The following NISCH variants were observed in gnomAD, a reference collection of about 807,000 sequenced individuals.
NISCH encodes the protein nischarin, also known as I-1 receptor candidate protein.
In NISCH, 55 loss-of-function variants were observed where a neutral mutation model predicts 138.4. The observed-to-expected ratio is 0.40, with a 90% CI of 0.32 to 0.50. The LOEUF is 0.50. Among genes scored for constraint, NISCH ranks in the 20% least tolerant of loss-of-function variants. The pLI is 0.71. For missense variants in NISCH, 1,643 were observed against 2,005.5 expected, an observed-to-expected ratio of 0.82 and a Z score of 3.45; for synonymous variants, 860 against 861.5, an observed-to-expected ratio of 1.00 and a Z score of 0.03.
At chr3:52,471,688 C>A in intron 4 of NISCH, 126 bp from the exon 5 acceptor site, 2 of 1,099,580 alleles carry the variant, frequency 1.8e-6, no homozygotes, top group Non-Finnish European at 2.7e-6. Context: ...ATGCCCAGGG[C>A]GCTGGCTTTG....
At chr3:52,477,934 A>T in intron 9 of NISCH, 163 bp from the exon 10 acceptor site, 1 of 762,464 alleles carries the variant, frequency 1.3e-6, no homozygotes, top group Non-Finnish European at 2.2e-6. Context: ...GTGCTGTGGC[A>T]TGTGCGGCAG....
chr3:52,490,044 G>T (rs1293103950), intron 17 of NISCH, 31 bp from the exon 18 acceptor site: 3 of 1,612,438 alleles, frequency 1.9e-6, no homozygotes, highest in Non-Finnish European at 2.5e-6. Flanking sequence ...TGCTAGGGTG[G>T]TGGAGCTGAC....
At chr3:52,479,718 C>CTTTCTGG in intron 11 of NISCH, 31 bp from the exon 12 acceptor site, 1 of 1,508,350 alleles carries the variant, frequency 6.6e-7, no homozygotes, top group African/African-American at 1.4e-5. Flanking sequence ...CACCAGTCCC[C>CTTTCTGG]ATGCTGATAG....
chr3:52,463,546 C>T (rs1706694422), intron 3 of NISCH, among the ~76,000 whole-genome samples: 2 of 152,122 alleles, frequency 1.3e-5, no homozygotes, highest in Admixed American at 1.3e-4. Flanking sequence ...ACAGTTGTTG[C>T]ACCATTTGAC....
At chr3:52,481,708 T>C in intron 13 of NISCH, 1 of 985,540 alleles carries the variant, frequency 1.0e-6, no homozygotes. Flanking sequence ...TGGGTGGGGA[T>C]GCACCATGTC....
intron 6 of NISCH, 146 bp from the exon 7 acceptor site, chr3:52,473,588 C>G: frequency 1.9e-6 from 1 of 529,884 alleles, no homozygotes; most frequent in Non-Finnish European, 3.4e-6. Flanking sequence ...GAAAAAGAGA[C>G]ACTTTGGTCT....
chr3:52,474,633 C>T (rs1466298970), intron 7 of NISCH, among the ~76,000 whole-genome samples: 6 of 151,832 alleles, frequency 4.0e-5, no homozygotes, highest in Non-Finnish European at 7.4e-5. Flanking sequence ...GGTTTTACCA[C>T]GTTGGCCAGG....
At position 52,489,328 on chromosome 3, in the gene NISCH, G is replaced by C; in HGVS notation, c.3114-8G>C. ...CGCTGTTAATATGGTGTTTTTCGGG[G>C]GATACAGCAATGACCAGCGTCCCCA... On this transcript the variant is annotated splice_region_variant and splice_polypyrimidine_tract_variant and intron_variant, in intron 16 of 20. Transcript: ENST00000345716. The C allele has an allele frequency of 1.2e-6, 2 of 1,604,846 alleles. No homozygotes were observed. Among genetic ancestry groups the C allele is most frequent in the Non-Finnish European group, 1.7e-6 (2 of 1,175,952 alleles).
At chr3:52,471,449 G>A (rs1422297003) in intron 4 of NISCH, 4 of 351,028 alleles carry the variant, frequency 1.1e-5, no homozygotes, top group East Asian at 1.4e-4. Flanking sequence ...ATAGGCCTGC[G>A]CCTGACCTGG....
rs537083808 is a variant in NISCH, at chr3:52,463,951, T to C, written c.360+5107T>C. ...CATGTCGGCCAGGATGGTCTCGAACTTCTGGCCTCAAGTGATTCGCCCACC... is the reference window on the plus strand; with the variant it reads ...CATGTCGGCCAGGATGGTCTCGAACCTCTGGCCTCAAGTGATTCGCCCACC... On this transcript the variant is annotated intron_variant, in intron 3 of 20. Coordinates refer to ENST00000345716, the MANE Select transcript of NISCH (RefSeq NM_007184.4). 2.9e-4 allele frequency among the ~76,000 whole-genome samples: 44 copies of C among 151,322 alleles called. No homozygotes were observed. In the South Asian group the frequency reaches 7.6e-3, roughly 26 times the overall value.
At chr3:52,483,526 C>A (rs1007885568) in intron 13 of NISCH, among the ~76,000 whole-genome samples, 4 of 152,240 alleles carry the variant, frequency 2.6e-5, no homozygotes, top group African/African-American at 9.6e-5. Context: ...GTTCATAAAA[C>A]AGCTTCAGCG....
rs1181333508 is a variant in NISCH at position 52,487,162 on chromosome 3, C to T, written c.1704-34C>T. The stretch of plus-strand genomic sequence containing the variant: ...GGTGGGAGGTGGGAGGGGCCCCTCC[C>T]AGCATGCCACTGACCTGGCCTCTCC... On this transcript the variant is annotated intron_variant, in intron 15 of 20. Coordinates refer to ENST00000345716, the MANE Select transcript of NISCH (RefSeq NM_007184.4). This position sits in a 1 kb window ranked among gnomAD's most constrained non-coding sequence, Gnocchi z 9.1. The T allele has an allele frequency of 6.3e-7, 1 of 1,582,312 alleles. No individual in the cohort carries two copies. Among genetic ancestry groups the T allele is most frequent in the Non-Finnish European group, 8.6e-7 (1 of 1,161,088 alleles).
chr3:52,456,748 T>G (rs1368681501), intron 1 of NISCH, among the ~76,000 whole-genome samples: 2 of 152,162 alleles, frequency 1.3e-5, no homozygotes, highest in Non-Finnish European at 2.9e-5. Flanking sequence ...GGGTGGATCT[T>G]GAAGCAACAG....
At chr3:52,461,648 G>A (rs1023000511) in intron 3 of NISCH, among the ~76,000 whole-genome samples, 1 of 152,128 alleles carries the variant, frequency 6.6e-6, no homozygotes, top group Non-Finnish European at 1.5e-5. Flanking sequence ...TGGATCACGA[G>A]GTCAGGAGAT....
At chr3:52,484,462 T>TGGGGCGG in intron 13 of NISCH, 51 bp from the exon 14 acceptor site, 2 of 788,670 alleles carry the variant, frequency 2.5e-6, no homozygotes, top group Non-Finnish European at 3.7e-6. Flanking sequence ...ACAGCCGCTC[T>TGGGGCGG]CCCCGCCCCA....
At chr3:52,477,455 C>G (rs1344543574) in intron 8 of NISCH, 119 bp from the exon 9 acceptor site, 1 of 771,040 alleles carries the variant, frequency 1.3e-6, no homozygotes, top group Admixed American at 2.0e-5. Context: ...CCTGCAGGGA[C>G]GGCCCGTGGG....
chr3:52,472,407 C>CGGTACCTCA lies in NISCH; in HGVS notation c.669+9_669+10insGGTACCTCA. On this transcript the variant is annotated intron_variant, in intron 6 of 20. Coordinates refer to ENST00000345716, the MANE Select transcript of NISCH (RefSeq NM_007184.4). ...CCCTGCATCAGGTGGAGGTAAGGCCCAGCGCTGCACAGCATCCTCTCGCTC... is the reference window on the plus strand; with the variant it reads ...CCCTGCATCAGGTGGAGGTAAGGCCCGGTACCTCAAGCGCTGCACAGCATCCTCTCGCTC... 6.2e-7 allele frequency: 1 copy of CGGTACCTCA among 1,605,100 alleles called. No individual in the cohort carries two copies.
Position 52,455,661 on chromosome 3 carries a change from T to C in NISCH, c.20T>C (p.Phe7Ser), listed in dbSNP as rs752094665. 1.6e-4 allele frequency: 222 copies of C among 1,353,478 alleles called. No individual in the cohort carries two copies. The highest frequency in any genetic ancestry group is 2.0e-4 in the Non-Finnish European group (208 of 1,044,096). The allele number at this position is 1,353,478 out of a possible 1,614,324, so 83.8% of individuals were successfully genotyped here. ...CCGAACATGGCGACCGCGCGCACCT[T>C]CGGGCCCGAGCGGGAAGCCGAGCCG... is the stretch of plus-strand genomic sequence containing the variant. MATART[F>S]GPEREAEPAK... The change falls in exon 1 of 21, where the codon TTC becomes TCC. Residue 7 changes from phenylalanine to serine, a missense_variant. Physicochemically the swap from Phe to Ser is radical, Grantham distance 155. Transcript: ENST00000345716.
Position 52,490,134 on chromosome 3 carries a change from A to G in NISCH, c.3516A>G (p.Pro1172=), listed in dbSNP as rs1171085451. The G allele has an allele frequency of 1.9e-6, 3 of 1,613,604 alleles. No individual in the cohort carries two copies. In the South Asian group the frequency reaches 3.3e-5, roughly 18 times the overall value. ...CCTCGGTGGTGTTCTACCAGACCCC[A>G]GGGCTGGAGGTGACTGCCTGCGTGC... ...MWSSVVFYQT[P]GLEVTACVLL... Residue 1172 remains proline (P), a synonymous_variant, in exon 18 of 21, where the codon CCA becomes CCG. Transcript: ENST00000345716.
Sources: gnomAD v4.1 joint callset for allele counts (sites outside exome capture counted in the v4.1 genomes callset) on GRCh38, gnomAD v4.1.1 for gene constraint, Gnocchi (gnomAD v3.1) non-coding constraint, MANE v1.5 for transcripts, NCBI Gene and HGNC (gene_info 2026-07-23, HGNC 2026-07-21) for gene names.